LIN52: variants seen among roughly 807,000 people sequenced by gnomAD.
The protein encoded by LIN52 is lin-52 DREAM MuvB core complex component.
LIN52 carries 4 observed loss-of-function variants against 18.5 expected under a neutral mutation model. The ratio of observed to expected loss-of-function variants is 0.22; its 90% confidence interval spans 0.11 to 0.49. The LOEUF is 0.49. LIN52 is among the 20% of genes least tolerant of loss of function. LIN52 has a pLI of 0.97. For synonymous variants in LIN52, 34 were observed against 45.5 expected, an observed-to-expected ratio of 0.75 and a Z score of 1.02; for missense variants, 102 against 139.5, an observed-to-expected ratio of 0.73 and a Z score of 1.35.
chr14:74,128,614 A>G (rs981147432), intron 5 of LIN52, among the ~76,000 whole-genome samples: 1 of 152,212 alleles, frequency 6.6e-6, no homozygotes, highest in African/African-American at 2.4e-5. Context: ...GTGCATTATC[A>G]TATGTGAATT....
chr14:74,177,038 G>A (rs1843134649), intron 5 of LIN52, among the ~76,000 whole-genome samples: 1 of 148,030 alleles, frequency 6.8e-6, no homozygotes, highest in South Asian at 2.1e-4. Flanking sequence ...CCCTCTTGTT[G>A]CCCAGGCCGG....
At chr14:74,102,056 A>T (rs2060861285) in intron 5 of LIN52, among the ~76,000 whole-genome samples, 1 of 152,108 alleles carries the variant, frequency 6.6e-6, no homozygotes, top group African/African-American at 2.4e-5. Flanking sequence ...ATTATGAACC[A>T]CCGCACCCAA....
chr14:74,157,683 G>A (rs1199659272), intron 5 of LIN52, among the ~76,000 whole-genome samples: 1 of 151,820 alleles, frequency 6.6e-6, no homozygotes, highest in Non-Finnish European at 1.5e-5. Context: ...TGCCCAGGCT[G>A]GGATTACAGG....
intron 5 of LIN52, among the ~76,000 whole-genome samples, chr14:74,193,360 G>A (rs144073456): frequency 3.3e-5 from 5 of 152,046 alleles, no homozygotes; most frequent in African/African-American, 1.2e-4. Context: ...GCTGCAGTGA[G>A]CTATGGCTGC....
At chr14:74,145,357 G>A (rs912431707) in intron 5 of LIN52, among the ~76,000 whole-genome samples, 2 of 152,122 alleles carry the variant, frequency 1.3e-5, no homozygotes, top group African/African-American at 2.4e-5. Context: ...TGCCTCTCCA[G>A]TATTAACAGT....
At chr14:74,190,921 A>G (rs1212715341) in intron 5 of LIN52, among the ~76,000 whole-genome samples, 1 of 152,220 alleles carries the variant, frequency 6.6e-6, no homozygotes, top group Non-Finnish European at 1.5e-5. Context: ...ATCCAGTGAC[A>G]CTGTGTGCTC....
chr14:74,169,671 T>C (rs1426584151), intron 5 of LIN52, among the ~76,000 whole-genome samples: 1 of 152,236 alleles, frequency 6.6e-6, no homozygotes, highest in Non-Finnish European at 1.5e-5. Context: ...AATAGTTCAA[T>C]GTATTTGAAG....
intron 5 of LIN52, among the ~76,000 whole-genome samples, chr14:74,155,292 C>T (rs1438696246): frequency 6.6e-6 from 1 of 152,280 alleles, no homozygotes; most frequent in South Asian, 2.1e-4. Context: ...TTGGGCTAAT[C>T]AGGGCAGGCT....
At chr14:74,136,812 T>G (rs2061100404) in intron 5 of LIN52, among the ~76,000 whole-genome samples, 1 of 152,106 alleles carries the variant, frequency 6.6e-6, no homozygotes, top group South Asian at 2.1e-4. Context: ...CTGCCCCCCT[T>G]AATCAGAGTG....
intron 5 of LIN52, among the ~76,000 whole-genome samples, chr14:74,125,437 T>C (rs1595165558): frequency 6.6e-6 from 1 of 152,350 alleles, no homozygotes; most frequent in East Asian, 1.9e-4. Context: ...TCTGTTCATA[T>C]CCTTCGCCCA....
intron 5 of LIN52, among the ~76,000 whole-genome samples, chr14:74,102,267 T>C (rs150979242): frequency 6.6e-6 from 1 of 152,250 alleles, no homozygotes; most frequent in African/African-American, 2.4e-5. Context: ...TAATTTAAAA[T>C]TTCTAATTTT....
chr14:74,122,062 T>G (rs2061003480), intron 5 of LIN52, among the ~76,000 whole-genome samples: 1 of 152,182 alleles, frequency 6.6e-6, no homozygotes. Flanking sequence ...AATGTAGTAT[T>G]TTATTTCTGA....
At position 74,106,421 on chromosome 14, in the gene LIN52, C is replaced by T. The variant is rs2060897632; in HGVS notation, c.283+5183C>T. ...AGTAGCTGGGACTACAGGTGCAGTG[C>T]CACCATATCTGGCTAATTTTTTTGA... is the stretch of plus-strand genomic sequence containing the variant. On this transcript the variant is annotated intron_variant, in intron 5 of 5. Coordinates refer to ENST00000555028, the MANE Select transcript of LIN52 (RefSeq NM_001024674.3). Among the ~76,000 whole-genome samples, 6 of 152,144 alleles carry T rather than the reference C, an allele frequency of 3.9e-5. No individual in the cohort carries two copies. In the South Asian group the frequency reaches 1.2e-3, roughly 32 times the overall value.
At chr14:74,187,017 C>T (rs1595191695) in intron 5 of LIN52, among the ~76,000 whole-genome samples, 2 of 152,094 alleles carry the variant, frequency 1.3e-5, no homozygotes, top group East Asian at 3.9e-4. Context: ...GTAGAGGTTG[C>T]AGTGAGCCAA....
intron 5 of LIN52, among the ~76,000 whole-genome samples, chr14:74,187,037 A>T (rs571423251): frequency 2.0e-5 from 3 of 152,190 alleles, no homozygotes; most frequent in Non-Finnish European, 4.4e-5. Flanking sequence ...AGATTGCACC[A>T]CTGTACTCCA....
chr14:74,162,169 A>G (rs966895775), intron 5 of LIN52, among the ~76,000 whole-genome samples: 3 of 152,192 alleles, frequency 2.0e-5, no homozygotes, highest in African/African-American at 7.2e-5. Flanking sequence ...AAAATCTGAC[A>G]GTAATTGGAA....
chr14:74,091,575 C>T (rs1373816479), intron 2 of LIN52, among the ~76,000 whole-genome samples: 2 of 151,084 alleles, frequency 1.3e-5, no homozygotes, highest in Admixed American at 1.3e-4. Context: ...TTGAGACCAG[C>T]GTGGCCAACA....
intron 5 of LIN52, among the ~76,000 whole-genome samples, chr14:74,118,690 C>T (rs1033248109): frequency 1.3e-5 from 2 of 152,170 alleles, no homozygotes; most frequent in Admixed American, 6.5e-5. Context: ...GGGAGGATCA[C>T]CTGAACCTGG....
Position 74,089,066 on chromosome 14 carries a change from C to T in LIN52, c.20-2166C>T, listed in dbSNP as rs143760217. Among the ~76,000 whole-genome samples the T allele has an allele frequency of 2.7e-3, 418 of 152,040 alleles. 3 individuals carry two copies. Among genetic ancestry groups the T allele is most frequent in the African/African-American group, 9.8e-3 (407 of 41,438 alleles). On this transcript the variant is annotated intron_variant, in intron 1 of 5. Coordinates refer to ENST00000555028, the MANE Select transcript of LIN52 (RefSeq NM_001024674.3). Reference sequence around the variant, plus strand: ...TGGCCTCTTTATGGAGAATAGATTCCGGGGGTGTGAAGGGGAAAGGGTAAG... The same window carrying T: ...TGGCCTCTTTATGGAGAATAGATTCTGGGGGTGTGAAGGGGAAAGGGTAAG...
Sources: gnomAD v4.1 joint callset for allele counts (sites outside exome capture counted in the v4.1 genomes callset) on GRCh38, gnomAD v4.1.1 for gene constraint, MANE v1.5 for transcripts, NCBI Gene and HGNC (gene_info 2026-07-23, HGNC 2026-07-21) for gene names.